GCN1: variants seen among roughly 807,000 people sequenced by gnomAD.
GCN1 encodes the protein GCN1 activator of EIF2AK4.
Under a neutral mutation model 288.4 loss-of-function variants are expected in GCN1, and 90 were observed. That is an observed-to-expected ratio of 0.31 (90% confidence interval 0.26 to 0.37). The LOEUF (loss-of-function observed/expected upper bound fraction) is 0.37, where lower values mean the gene tolerates loss of function less well. GCN1 is among the 10% of genes least tolerant of loss of function. The pLI is 1.00. For missense variants in GCN1, 2,586 were observed against 3,419.9 expected (o/e 0.76, Z 6.08); for synonymous variants, 1,386 against 1,420.2 (o/e 0.98, Z 0.54).
Position 120,156,350 on chromosome 12 carries a change from C to T in GCN1, c.3312+111G>A. On this transcript the variant is annotated intron_variant, in intron 28 of 57. Coordinates refer to ENST00000300648, the MANE Select transcript of GCN1 (RefSeq NM_006836.2). This position sits in a 1 kb window ranked among gnomAD's most constrained non-coding sequence, Gnocchi z 5.8. ...CAACCATGTGACTTCTTCTCTTTGC[C>T]TCTAGGCCTCCCACCAGAGTGAGGG... is the stretch of plus-strand genomic sequence containing the variant. The T allele has an allele frequency of 9.3e-7, 1 of 1,072,054 alleles. No individual in the cohort carries two copies. The highest frequency in any genetic ancestry group is 1.4e-5 in the South Asian group (1 of 69,478). 66.4% of individuals were successfully genotyped at this position (1,072,054 alleles called of 1,614,324 possible).
chr12:120,171,697 T>C (rs897856501), intron 14 of GCN1, among the ~76,000 whole-genome samples: 1 of 152,228 alleles, frequency 6.6e-6, no homozygotes, highest in Non-Finnish European at 1.5e-5. Context: ...TTAAAAGCAA[T>C]GAGCATTGAG....
At chr12:120,172,589 A>C (rs1665966411) in intron 14 of GCN1, among the ~76,000 whole-genome samples, 1 of 151,650 alleles carries the variant, frequency 6.6e-6, no homozygotes, top group Non-Finnish European at 1.5e-5. Context: ...GGCTCACTGC[A>C]ACCTCTGCCT....
rs536442170 is a variant in GCN1 at position 120,156,184 on chromosome 12, C to T, written c.3312+277G>A. 2.6e-5 allele frequency among the ~76,000 whole-genome samples: 4 copies of T among 152,328 alleles called. No homozygotes were observed. The highest frequency in any genetic ancestry group is 4.1e-4 in the South Asian group (2 of 4,828). ...CATGGCAGTGGGCTAAAGAATTGAA[C>T]TCCTCCTGCAAGTTAGCTCTGTCCG... is the stretch of plus-strand genomic sequence containing the variant. On this transcript the variant is annotated intron_variant, in intron 28 of 57. Transcript: ENST00000300648. This position sits in a 1 kb window ranked among gnomAD's most constrained non-coding sequence, Gnocchi z 5.8.
At chr12:120,143,008 C>T in intron 42 of GCN1, 67 bp from the exon 43 acceptor site, 1 of 900,846 alleles carries the variant, frequency 1.1e-6, no homozygotes, top group East Asian at 2.4e-5. Flanking sequence ...CTGAGCACTG[C>T]ACAGAAGATG....
Position 120,183,633 on chromosome 12 carries a change from C to T in GCN1, c.362G>A (p.Cys121Tyr), listed in dbSNP as rs751455928. The part of the protein sequence containing the change: ...SAALLALTWT[C>Y]LLVRIVFPSR... ...TGGAAAGACAATGCGCACCAGGAGG[C>T]AGGTCCAGGTCAAGGCCAGCAAGGC... is the stretch of plus-strand genomic sequence containing the variant. The change falls in exon 5 of 58, where the codon TGC becomes TAC. Residue 121 changes from cysteine (C) to tyrosine (Y), a missense_variant. Physicochemically the swap from Cys to Tyr is radical, Grantham distance 194 (BLOSUM62 -2). Coordinates refer to ENST00000300648, the MANE Select transcript of GCN1 (RefSeq NM_006836.2). The T allele has an allele frequency of 6.2e-7, 1 of 1,613,804 alleles. No individual in the cohort carries two copies. Among genetic ancestry groups the T allele is most frequent in the Non-Finnish European group, 8.5e-7 (1 of 1,179,734 alleles).
In GCN1 at chr12:120,190,419, A is replaced by T; in HGVS notation, c.19-19T>A. ...CGGAAACCTGTGAAGGCCAAGCAACAGAAAAATTCACTAGTCAGACTATAA... is the reference window on the plus strand; with the variant it reads ...CGGAAACCTGTGAAGGCCAAGCAACTGAAAAATTCACTAGTCAGACTATAA... On this transcript the variant is annotated intron_variant, in intron 1 of 57. Coordinates refer to ENST00000300648, the MANE Select transcript of GCN1 (RefSeq NM_006836.2). 7.6e-7 allele frequency: 1 copy of T among 1,320,068 alleles called. No individual in the cohort carries two copies. The highest frequency in any genetic ancestry group is 1.1e-6 in the Non-Finnish European group (1 of 911,540). 81.8% of individuals were successfully genotyped at this position (1,320,068 alleles called of 1,614,324 possible).
rs1018128705 is a variant in GCN1 at position 120,150,026 on chromosome 12, C to T, written c.4327G>A (p.Glu1443Lys). The T allele has an allele frequency of 6.2e-7, 1 of 1,614,060 alleles. No homozygotes were observed. The highest frequency in any genetic ancestry group is 8.5e-7 in the Non-Finnish European group (1 of 1,179,988). The change falls in exon 35 of 58, where the codon GAG (glutamate) becomes AAG (lysine). Residue 1443 changes from glutamate to lysine, a missense_variant. Around this residue, in one of 8 missense-constraint regions of GCN1, gnomAD observed 371 missense variants for 572.6 expected, o/e 0.65. Coordinates refer to ENST00000300648, the MANE Select transcript of GCN1 (RefSeq NM_006836.2). ...RRREGALFAF[E>K]MLCTMLGKLF... Reference sequence around the variant, plus strand: ...TTCCCCAGCATGGTGCAGAGCATCTCGAAGGCAAAGAGGGCTCCTAGGGGA... The same window carrying T: ...TTCCCCAGCATGGTGCAGAGCATCTTGAAGGCAAAGAGGGCTCCTAGGGGA...
At chr12:120,166,819 T>C (rs1878143539) in intron 16 of GCN1, among the ~76,000 whole-genome samples, 1 of 151,358 alleles carries the variant, frequency 6.6e-6, no homozygotes, top group Admixed American at 6.6e-5. Context: ...AAGGTCAGCC[T>C]GGGCAACATG....
Position 120,155,191 on chromosome 12 carries a change from C to T in GCN1, c.3630+50G>A, listed in dbSNP as rs1192013682. 2 of 1,580,636 alleles carry T rather than the reference C, an allele frequency of 1.3e-6. No homozygotes were observed. The highest frequency in any genetic ancestry group is 1.1e-5 in the South Asian group (1 of 90,328). ...AGCAGTAGCGGGGTGAGCAGAGACC[C>T]ACCCAACCGCACACACCCAGACTGC... On this transcript the variant is annotated intron_variant, in intron 30 of 57. Coordinates refer to ENST00000300648, the MANE Select transcript of GCN1 (RefSeq NM_006836.2). The surrounding 1 kb of genome is among the most constrained non-coding windows in gnomAD (Gnocchi z 4.9).
Position 120,189,200 on chromosome 12 carries a change from G to A in GCN1, c.121+1098C>T, listed in dbSNP as rs145917638. On this transcript the variant is annotated intron_variant, in intron 2 of 57. Transcript: ENST00000300648. ...CGATTCTCCTGCCTCAGCCTCCTGA[G>A]TAGCTAGGATTACAGGCGTGCGTCA... Among the ~76,000 whole-genome samples, 38 of 152,132 alleles carry A rather than the reference G, an allele frequency of 2.5e-4. 1 individual carries two copies. In the East Asian group the frequency reaches 7.0e-3, roughly 28 times the overall value.
At position 120,156,391 on chromosome 12, in the gene GCN1, C is replaced by T. The variant is rs190258829; in HGVS notation, c.3312+70G>A. On this transcript the variant is annotated intron_variant, in intron 28 of 57. Coordinates refer to ENST00000300648, the MANE Select transcript of GCN1 (RefSeq NM_006836.2). The surrounding 1 kb of genome is among the most constrained non-coding windows in gnomAD (Gnocchi z 5.8). ...AGAGTGAGGGACATTCTCTCAAATG[C>T]CCATCATGCAATTTGCACTTGCATA... is the stretch of plus-strand genomic sequence containing the variant. The T allele has an allele frequency of 1.7e-5, 24 of 1,436,954 alleles. No homozygotes were observed. In the Admixed American group the frequency reaches 3.1e-4, roughly 18 times the overall value. The allele number at this position is 1,436,954 out of a possible 1,614,324, so 89.0% of individuals were successfully genotyped here. A position where few individuals can be genotyped will look rare whatever the true frequency, so the allele number is the denominator to read the frequency against.
chr12:120,183,772 C>G (rs1878739823), intron 4 of GCN1, 95 bp from the exon 5 acceptor site: 3 of 748,604 alleles, frequency 4.0e-6, no homozygotes, highest in Non-Finnish European at 7.2e-6. Flanking sequence ...GCAGGACCCT[C>G]CCTTCACCTC....
chr12:120,129,844 G>T (rs1467610510), intron 56 of GCN1, among the ~76,000 whole-genome samples: 1 of 152,116 alleles, frequency 6.6e-6, no homozygotes, highest in Non-Finnish European at 1.5e-5. Flanking sequence ...TCCTTTAGAG[G>T]TGCCCCCTGC....
At chr12:120,175,471 A>G (rs2139131211) in intron 11 of GCN1, among the ~76,000 whole-genome samples, 1 of 152,372 alleles carries the variant, frequency 6.6e-6, no homozygotes, top group Non-Finnish European at 1.5e-5. Context: ...CACTACTCAA[A>G]GACATTTCTT....
chr12:120,169,992 C>G (rs1219017766), intron 15 of GCN1, among the ~76,000 whole-genome samples, 177 bp downstream of exon 15: 1 of 152,236 alleles, frequency 6.6e-6, no homozygotes, highest in African/African-American at 2.4e-5. Context: ...ACACAGTCCC[C>G]TGACTGCATT....
In GCN1 at chr12:120,176,208, C is replaced by T; in HGVS notation, c.848G>A (p.Ser283Asn). The change falls in exon 10 of 58, where the codon AGT becomes AAT. Residue 283 changes from serine (S) to asparagine (N), a missense_variant. Physicochemically the swap from Ser to Asn is conservative, Grantham distance 46 (BLOSUM62 1). This residue lies in a region of GCN1 where 913 missense variants were observed against 1,107.0 expected (regional missense o/e 0.82). Coordinates refer to ENST00000300648, the MANE Select transcript of GCN1 (RefSeq NM_006836.2). Reference sequence around the variant, plus strand: ...GTCAAGCGTCACTGATGCCAGCAGACTAGAAATAGCTAAGGGGGACAGAAA... The same window carrying T: ...GTCAAGCGTCACTGATGCCAGCAGATTAGAAATAGCTAAGGGGGACAGAAA... ...SPENVIETISSLLASVTLDLS... is the reference protein window; with the variant it reads ...SPENVIETISNLLASVTLDLS... 1 of 1,605,010 alleles carries T rather than the reference C, an allele frequency of 6.2e-7. No homozygotes were observed. Among genetic ancestry groups the T allele is most frequent in the Non-Finnish European group, 8.5e-7 (1 of 1,171,760 alleles).
intron 55 of GCN1, 29 bp downstream of exon 55, chr12:120,131,156 G>A (rs1212220494): frequency 1.2e-6 from 2 of 1,606,888 alleles, no homozygotes; most frequent in African/African-American, 2.7e-5. Flanking sequence ...TGTGGCCTAT[G>A]CCTATGGGAT....
intron 7 of GCN1, among the ~76,000 whole-genome samples, 189 bp from the exon 8 acceptor site, chr12:120,177,941 G>A (rs1176272289): frequency 1.3e-5 from 2 of 152,086 alleles, no homozygotes; most frequent in African/African-American, 2.4e-5. Flanking sequence ...CATGGCCCCC[G>A]GGATAAAGTC....
chr12:120,150,839 A>G (rs1157034756), intron 34 of GCN1, among the ~76,000 whole-genome samples: 1 of 152,040 alleles, frequency 6.6e-6, no homozygotes, highest in Non-Finnish European at 1.5e-5. Context: ...TGGGAGGCTA[A>G]GGCAGGAGAA....
Sources: allele counts gnomAD v4.1 joint callset (sites outside exome capture counted in the v4.1 genomes callset), GRCh38; gene constraint gnomAD v4.1.1; regional missense constraint gnomAD v4.1.1; non-coding constraint Gnocchi (gnomAD v3.1); transcripts MANE v1.5; gene names NCBI Gene and HGNC (gene_info 2026-07-23, HGNC 2026-07-21).